Variants in MYO16 observed in about 807,000 individuals in gnomAD.
MYO16 encodes the protein myosin XVI, also known as unconventional myosin-XVI.
Under a neutral mutation model 205.3 loss-of-function variants are expected in MYO16, and 94 were observed. That is an observed-to-expected ratio of 0.46 (90% CI 0.39 to 0.54). The LOEUF (loss-of-function observed/expected upper bound fraction) is 0.54, where lower values mean the gene tolerates loss of function less well. Ranked by LOEUF, MYO16 falls within the 20% of genes least tolerant of loss-of-function variation. The pLI is 0.00. For synonymous variants in MYO16, 988 were observed against 954.0 expected (o/e 1.04, Z -0.66); for missense variants, 2,315 against 2,387.5 (o/e 0.97, Z 0.63).
intron 8 of MYO16, 68 bp from the exon 9 acceptor site, chr13:108,823,057 A>G (rs1474970471): frequency 1.0e-5 from 14 of 1,396,716 alleles, no homozygotes; most frequent in Non-Finnish European, 1.4e-5. Flanking sequence ...GGAATTATTG[A>G]AAGTAAATAG....
chr13:108,545,297 G>A, the MYO16 span, among the ~76,000 whole-genome samples: 1 of 152,050 alleles, frequency 6.6e-6, no homozygotes, highest in Non-Finnish European at 1.5e-5. Flanking sequence ...TACAATAATC[G>A]CCTTCAGTTC....
At chr13:109,151,324 C>G (rs1877650186) in intron 32 of MYO16, among the ~76,000 whole-genome samples, 2 of 152,220 alleles carry the variant, frequency 1.3e-5, no homozygotes, top group African/African-American at 4.8e-5. Flanking sequence ...AGTTTTCATA[C>G]TTAGACCCTG....
intron 16 of MYO16, among the ~76,000 whole-genome samples, chr13:108,939,071 C>A (rs1245538155): frequency 1.3e-5 from 2 of 152,220 alleles, no homozygotes; most frequent in Admixed American, 1.3e-4. Flanking sequence ...TTACCCCACT[C>A]CAGAGCAGGC....
chr13:108,719,859 T>C (rs1884092885), intron 3 of MYO16, among the ~76,000 whole-genome samples: 1 of 152,202 alleles, frequency 6.6e-6, no homozygotes, highest in African/African-American at 2.4e-5. Flanking sequence ...CACCTTTATA[T>C]ATACCTTGCC....
chr13:108,943,567 C>T (rs1368542618), intron 16 of MYO16, among the ~76,000 whole-genome samples: 1 of 152,028 alleles, frequency 6.6e-6, no homozygotes, highest in Non-Finnish European at 1.5e-5. Flanking sequence ...AAGCGATTCT[C>T]CTGCCTCCCA....
At chr13:108,808,068 G>C (rs1392165419) in intron 7 of MYO16, among the ~76,000 whole-genome samples, 1 of 152,058 alleles carries the variant, frequency 6.6e-6, no homozygotes, top group East Asian at 1.9e-4. Flanking sequence ...CATCCTGGAA[G>C]CAGTAATGAC....
At chr13:108,503,209 G>A in the MYO16 span, among the ~76,000 whole-genome samples, 5 of 152,136 alleles carry the variant, frequency 3.3e-5, no homozygotes, top group Admixed American at 1.3e-4. Context: ...AACTTGAGGT[G>A]GAGAAGATTC....
intron 27 of MYO16, among the ~76,000 whole-genome samples, chr13:109,079,879 CTT>C (rs35912610): frequency 4.3e-5 from 6 of 138,392 alleles, no homozygotes; most frequent in Admixed American, 7.3e-5. Flanking sequence ...TTCTTTATTT[CTT>C]TTTTTTTTTT....
At chr13:108,825,405 G>A (rs1005900605) in intron 9 of MYO16, among the ~76,000 whole-genome samples, 18 of 151,552 alleles carry the variant, frequency 1.2e-4, no homozygotes, top group Admixed American at 6.6e-5. Context: ...CTGATAAGGG[G>A]CAAGTACCAA....
At chr13:108,861,813 A>G (rs1182691177) in intron 11 of MYO16, among the ~76,000 whole-genome samples, 1 of 152,052 alleles carries the variant, frequency 6.6e-6, no homozygotes, top group Non-Finnish European at 1.5e-5. Flanking sequence ...TCTTCTTGAT[A>G]TATAGGAGTT....
intron 2 of MYO16, among the ~76,000 whole-genome samples, chr13:108,699,724 G>T (rs1374100847): frequency 2.0e-5 from 3 of 152,152 alleles, no homozygotes; most frequent in Admixed American, 6.5e-5. Context: ...TATGTTAAAA[G>T]TTCTGTAGAA....
rs1420373871 is a variant in MYO16 at position 109,125,494 on chromosome 13, T to C, written c.3782+136T>C. ...AGGAACAGGCATGCGTGGTTTGTTATTCGAAATGGCAGCAGTCTAAAAAGA... is the reference window on the plus strand; with the variant it reads ...AGGAACAGGCATGCGTGGTTTGTTACTCGAAATGGCAGCAGTCTAAAAAGA... On this transcript the variant is annotated intron_variant, in intron 30 of 34. Coordinates refer to ENST00000457511, the MANE Select transcript of MYO16 (RefSeq NM_001198950.3). The surrounding 1 kb of genome is among the most constrained non-coding windows in gnomAD (Gnocchi z 4.0). 2 of 1,195,116 alleles carry C rather than the reference T, an allele frequency of 1.7e-6. No individual in the cohort carries two copies. The highest frequency in any genetic ancestry group is 2.6e-5 in the Admixed American group (1 of 38,652). 74.0% of individuals were successfully genotyped at this position (1,195,116 alleles called of 1,614,324 possible).
chr13:109,100,918 T>A (rs767278095), intron 28 of MYO16, 31 bp downstream of exon 28: 11 of 1,569,174 alleles, frequency 7.0e-6, no homozygotes, highest in Non-Finnish European at 9.6e-6. Context: ...GAAAATAACA[T>A]TTTAGGATTT....
chr13:108,670,217 G>A (rs999262851), intron 2 of MYO16, among the ~76,000 whole-genome samples: 3 of 152,202 alleles, frequency 2.0e-5, no homozygotes, highest in East Asian at 1.9e-4. Context: ...CACTGGATGG[G>A]CTTGGCTTCA....
intron 16 of MYO16, among the ~76,000 whole-genome samples, chr13:108,920,712 G>A (rs1202259769): frequency 1.3e-5 from 2 of 152,086 alleles, no homozygotes; most frequent in African/African-American, 4.8e-5. Flanking sequence ...GCCCACCTTG[G>A]CCTCCCAAAG....
intron 1 of MYO16, among the ~76,000 whole-genome samples, chr13:108,614,934 C>T (rs1489347611): frequency 6.6e-6 from 1 of 152,002 alleles, no homozygotes; most frequent in African/African-American, 2.4e-5. Flanking sequence ...ATGCCAAAAT[C>T]ACAGTGACAA....
At chr13:109,027,190 A>C (rs1427823824) in intron 23 of MYO16, among the ~76,000 whole-genome samples, 1 of 152,056 alleles carries the variant, frequency 6.6e-6, no homozygotes, top group Non-Finnish European at 1.5e-5. Flanking sequence ...TACAGACCCC[A>C]GTTCCTGGCT....
intron 8 of MYO16, 74 bp downstream of exon 8, chr13:108,820,486 T>G: frequency 8.0e-7 from 1 of 1,242,542 alleles, no homozygotes; most frequent in Non-Finnish European, 1.2e-6. Flanking sequence ...GCCATCCATC[T>G]TCAGCACAGC....
chr13:108,668,494 G>T (rs1881839171), intron 2 of MYO16, among the ~76,000 whole-genome samples: 1 of 152,134 alleles, frequency 6.6e-6, no homozygotes, highest in Admixed American at 6.5e-5. Context: ...CAGTTCTGTA[G>T]GTCTGAGGTG....
Sources: gnomAD v4.1 joint callset for allele counts (sites outside exome capture counted in the v4.1 genomes callset) on GRCh38, gnomAD v4.1.1 for gene constraint, Gnocchi (gnomAD v3.1) non-coding constraint, MANE v1.5 for transcripts, NCBI Gene and HGNC (gene_info 2026-07-23, HGNC 2026-07-21) for gene names.